The following RGS12 variants were observed in gnomAD, a reference collection of about 807,000 sequenced individuals.
RGS12 encodes the protein regulator of G-protein signaling 12.
Under a neutral mutation model 120.1 loss-of-function variants are expected in RGS12, and 66 were observed. The observed-to-expected ratio is 0.55, with a 90% CI of 0.45 to 0.67. The LOEUF (loss-of-function observed/expected upper bound fraction) is 0.67. Ranked by LOEUF, RGS12 falls within the 30% of genes least tolerant of loss-of-function variation. The pLI is 0.00. For synonymous variants in RGS12, 827 were observed against 804.7 expected, an observed-to-expected ratio of 1.03 and a Z score of -0.47; for missense variants, 1,859 against 1,957.7, an observed-to-expected ratio of 0.95 and a Z score of 0.95.
chr4:3,391,171 T>C (rs1357901267), intron 4 of RGS12, among the ~76,000 whole-genome samples: 3 of 152,242 alleles, frequency 2.0e-5, no homozygotes, highest in African/African-American at 7.2e-5. Context: ...GGTTTGCTTT[T>C]GGACTTCAAA....
Position 3,317,306 on chromosome 4 carries a change from C to T in RGS12, c.1136C>T (p.Ser379Phe), listed in dbSNP as rs751013878. ...GGCTGTCTGGAATTCCCGGCGTCCT[C>T]CCTCCCCGTCCTGCAGTTCATCTCT... ...TNGCLEFPAS[S>F]LPVLQFISVL... The change falls in exon 2 of 18, where the codon TCC becomes TTC. Residue 379 changes from serine (S) to phenylalanine (F), a missense_variant. Physicochemically the swap from Ser to Phe is radical, Grantham distance 155. Around this residue, in one of 3 missense-constraint regions of RGS12, gnomAD observed 967 missense variants for 994.2 expected, o/e 0.97. Coordinates refer to ENST00000336727, the MANE Select transcript of RGS12 (RefSeq NM_001394154.1). 2 of 1,614,166 alleles carry T rather than the reference C, an allele frequency of 1.2e-6. No individual in the cohort carries two copies. The highest frequency in any genetic ancestry group is 1.1e-5 in the South Asian group (1 of 91,082).
chr4:3,381,518 C>T (rs568417447), intron 3 of RGS12, among the ~76,000 whole-genome samples: 50 of 152,268 alleles, frequency 3.3e-4, no homozygotes, highest in African/African-American at 8.9e-4. Flanking sequence ...GGGAGGCCTC[C>T]GGGAACTTAC....
intron 1 of RGS12, among the ~76,000 whole-genome samples, chr4:3,294,326 G>A (rs1349423543): frequency 1.3e-5 from 2 of 152,276 alleles, no homozygotes; most frequent in African/African-American, 4.8e-5. Context: ...AAGGAGGGCA[G>A]AGAGGCGGCT....
chr4:3,358,492 A>C (rs184393637), intron 3 of RGS12, among the ~76,000 whole-genome samples: 1 of 152,032 alleles, frequency 6.6e-6, no homozygotes, highest in African/African-American at 2.4e-5. Context: ...TTATATGTTG[A>C]GGTAGTTTCC....
At chr4:3,364,336 G>A (rs1265913203) in intron 3 of RGS12, among the ~76,000 whole-genome samples, 1 of 152,184 alleles carries the variant, frequency 6.6e-6, no homozygotes, top group African/African-American at 2.4e-5. Context: ...TGCAGCCTGT[G>A]CTGAGCTTCC....
chr4:3,398,894 C>T (rs1366550682), intron 4 of RGS12, among the ~76,000 whole-genome samples: 1 of 152,172 alleles, frequency 6.6e-6, no homozygotes, highest in African/African-American at 2.4e-5. Flanking sequence ...ATATGCCACA[C>T]ATGCAGTTGC....
Position 3,301,810 on chromosome 4 carries a change from G to A in RGS12, c.-102+8711G>A, listed in dbSNP as rs537687258. On this transcript the variant is annotated intron_variant, in intron 1 of 17. Transcript: ENST00000336727. ...GACATGTCCAGGTGGGGTGATGGGG[G>A]ACCTCCGAGGTGCCAGCAAGGAGGA... 2.6e-5 allele frequency among the ~76,000 whole-genome samples: 4 copies of A among 152,178 alleles called. No homozygotes were observed. In the East Asian group the frequency reaches 5.8e-4, roughly 22 times the overall value.
intron 3 of RGS12, among the ~76,000 whole-genome samples, chr4:3,380,630 C>T (rs1358058119): frequency 2.0e-5 from 3 of 152,206 alleles, no homozygotes; most frequent in Non-Finnish European, 2.9e-5. Flanking sequence ...TGCCCAATAC[C>T]ACATGTAAGC....
intron 3 of RGS12, among the ~76,000 whole-genome samples, chr4:3,382,186 A>G (rs1442103713): frequency 1.3e-5 from 2 of 151,046 alleles, no homozygotes; most frequent in African/African-American, 2.5e-5. Context: ...TGATTATACC[A>G]TGATATCATT....
chr4:3,309,633 G>GAGAGCTGAGCA, intron 1 of RGS12, among the ~76,000 whole-genome samples: 1 of 128,560 alleles, frequency 7.8e-6, no homozygotes, highest in Non-Finnish European at 1.6e-5. Flanking sequence ...GTCCGCTGAG[G>GAGAGCTGAGCA]GGAACCGTGT....
chr4:3,369,133 C>T (rs1246015298), intron 3 of RGS12, among the ~76,000 whole-genome samples: 8 of 152,122 alleles, frequency 5.3e-5, no homozygotes, highest in African/African-American at 1.9e-4. Flanking sequence ...GTGTGGCTGC[C>T]TTGGGGTGAT....
intron 3 of RGS12, among the ~76,000 whole-genome samples, chr4:3,360,788 G>A (rs759844645): frequency 6.6e-6 from 1 of 152,142 alleles, no homozygotes; most frequent in Non-Finnish European, 1.5e-5. Flanking sequence ...AGGACAGTGC[G>A]GCTAACCCAC....
intron 17 of RGS12, among the ~76,000 whole-genome samples, chr4:3,432,799 C>T (rs1724449218): frequency 6.6e-6 from 1 of 152,218 alleles, no homozygotes; most frequent in South Asian, 2.1e-4. Context: ...ATCCTTGGCT[C>T]TTGGGCTGTC....
intron 4 of RGS12, among the ~76,000 whole-genome samples, chr4:3,391,215 G>T (rs1389562267): frequency 1.3e-5 from 2 of 152,192 alleles, no homozygotes; most frequent in African/African-American, 4.8e-5. Flanking sequence ...TATTTGTAGG[G>T]TGTGGAATAC....
intron 2 of RGS12, among the ~76,000 whole-genome samples, chr4:3,323,418 C>G (rs1322610877): frequency 6.6e-6 from 1 of 152,232 alleles, no homozygotes; most frequent in Non-Finnish European, 1.5e-5. Context: ...GTTCAGAGTT[C>G]GCTTCCTTTC....
At chr4:3,338,293 C>T (rs1250568750) in intron 2 of RGS12, among the ~76,000 whole-genome samples, 1 of 152,244 alleles carries the variant, frequency 6.6e-6, no homozygotes, top group Non-Finnish European at 1.5e-5. Flanking sequence ...CTCCCAACCT[C>T]AGGTGGTCCA....
At chr4:3,403,308 T>A (rs1720783804) in intron 4 of RGS12, among the ~76,000 whole-genome samples, 1 of 152,178 alleles carries the variant, frequency 6.6e-6, no homozygotes, top group Non-Finnish European at 1.5e-5. Context: ...CCCTCTGAGG[T>A]AACGGGAAGT....
chr4:3,428,653 A>G lies in RGS12; in HGVS notation c.3507A>G (p.Glu1169=). The change falls in exon 16 of 18, where the codon GAA becomes GAG. Residue 1169 remains glutamate, a synonymous_variant. Transcript: ENST00000336727. ...ATCCCCGGCTTTCAAAGAGAGAAGA[A>G]TCTATTGCAAAGATTGGGAAAAAAA... ...ARDPRLSKRE[E]SIAKIGKKKY... The G allele has an allele frequency of 6.2e-7, 1 of 1,603,170 alleles. No homozygotes were observed. The highest frequency in any genetic ancestry group is 8.5e-7 in the Non-Finnish European group (1 of 1,176,952).
rs1719339772 is a variant in RGS12, at chr4:3,390,219, C to T, written c.2020+3782C>T. 1.3e-5 allele frequency among the ~76,000 whole-genome samples: 2 copies of T among 152,204 alleles called. No individual in the cohort carries two copies. The highest frequency in any genetic ancestry group is 4.1e-4 in the South Asian group (2 of 4,828). Reference sequence around the variant, plus strand: ...TCTTCCCTTCCTGACCACCTGCCCCCATCCTGAGCGATGGCCACTGTCAAT... The same window carrying T: ...TCTTCCCTTCCTGACCACCTGCCCCTATCCTGAGCGATGGCCACTGTCAAT... On this transcript the variant is annotated intron_variant, in intron 4 of 17. Transcript: ENST00000336727. The surrounding 1 kb of genome is among the most constrained non-coding windows in gnomAD (Gnocchi z 4.6).
Sources: allele counts gnomAD v4.1 joint callset (sites outside exome capture counted in the v4.1 genomes callset), GRCh38; gene constraint gnomAD v4.1.1; regional missense constraint gnomAD v4.1.1; non-coding constraint Gnocchi (gnomAD v3.1); transcripts MANE v1.5; gene names NCBI Gene and HGNC (gene_info 2026-07-23, HGNC 2026-07-21).